The following CWH43 variants were observed in gnomAD, a reference collection of about 807,000 sequenced individuals.
The protein encoded by CWH43 is cell wall biogenesis 43 C-terminal homolog.
In CWH43, 91 loss-of-function variants were observed where a neutral mutation model predicts 85.7. The ratio of observed to expected loss-of-function variants is 1.06; its 90% CI spans 0.90 to 1.26. CWH43 has a LOEUF of 1.26. Ranked by LOEUF, CWH43 falls within the 50% of genes most tolerant of loss-of-function variation. The pLI is 0.00. For missense variants in CWH43, 869 were observed against 839.2 expected (o/e 1.04, Z -0.44); for synonymous variants, 323 against 293.6 (o/e 1.10, Z -1.02).
At chr4:49,022,120 CT>C (rs1412834142) in intron 9 of CWH43, among the ~76,000 whole-genome samples, 2 of 152,120 alleles carry the variant, frequency 1.3e-5, no homozygotes, top group African/African-American at 2.4e-5. Flanking sequence ...GCATCCTTGT[CT>C]TGTTCCAGGT....
Position 49,017,278 on chromosome 4 carries a change from T to G in CWH43, c.1216T>G (p.Leu406Val). 1 of 1,612,268 alleles carries G rather than the reference T, an allele frequency of 6.2e-7. No individual in the cohort carries two copies. ...FLWLLVGVGL[L>V]GLGLRHKAYE... is the part of the protein sequence containing the mutation. ...GTGGCTGCTTGTTGGTGTGGGATTG[T>G]TGGGATTAGGACTACGGCATAAAGC... Residue 406 changes from leucine (L) to valine (V), a missense_variant, in exon 9 of 16, where the codon TTG becomes GTG. Coordinates refer to ENST00000226432, the MANE Select transcript of CWH43 (RefSeq NM_025087.3).
chr4:49,010,903 G>T (rs574014462), intron 8 of CWH43, among the ~76,000 whole-genome samples: 1 of 152,184 alleles, frequency 6.6e-6, no homozygotes, highest in East Asian at 1.9e-4. Flanking sequence ...CATTTATGTG[G>T]TCAATTTTGG....
chr4:48,998,356 A>G lies in CWH43; in HGVS notation c.714-104A>G, dbSNP rs183149818. On this transcript the variant is annotated intron_variant, in intron 5 of 15. Transcript: ENST00000226432. ...TCTCACTGGTTGTTTCACACACGTT[A>G]TCTCTTATATGTACCCAGAGGTGGG... The G allele has an allele frequency of 3.0e-5, 25 of 839,888 alleles. 1 individual carries two copies. The African/African-American group carries it at 3.0e-4, about 10-fold the overall frequency. The allele number at this position is 839,888 out of a possible 1,614,324, so 52.0% of individuals were successfully genotyped here.
At chr4:48,990,911 A>T (rs1475939034) in intron 2 of CWH43, among the ~76,000 whole-genome samples, 2 of 152,222 alleles carry the variant, frequency 1.3e-5, no homozygotes, top group Non-Finnish European at 2.9e-5. Flanking sequence ...GATAAACAAA[A>T]TGTGGTATAT....
At chr4:49,037,969 G>T (rs927527559) in intron 12 of CWH43, 67 bp from the exon 13 acceptor site, 14 of 1,427,968 alleles carry the variant, frequency 9.8e-6, no homozygotes, top group Admixed American at 2.2e-5. Context: ...TGGCAACTTA[G>T]GTACCTAAGG....
intron 14 of CWH43, among the ~76,000 whole-genome samples, chr4:49,047,775 C>A (rs757948695): frequency 7.9e-5 from 12 of 152,070 alleles, no homozygotes; most frequent in Non-Finnish European, 1.8e-4. Context: ...GGATCCTTAG[C>A]AAGCACTTTG....
intron 5 of CWH43, among the ~76,000 whole-genome samples, chr4:48,997,797 T>C (rs1782859919): frequency 6.6e-6 from 1 of 152,204 alleles, no homozygotes; most frequent in African/African-American, 2.4e-5. Context: ...GAATAATAAT[T>C]ACAGGGGAAA....
intron 13 of CWH43, among the ~76,000 whole-genome samples, chr4:49,043,560 G>C (rs1784532863): frequency 6.6e-6 from 1 of 152,186 alleles, no homozygotes. Context: ...TATTAATGTG[G>C]AGAAGAGTTT....
chr4:48,993,491 C>T (rs1417890378), intron 4 of CWH43, among the ~76,000 whole-genome samples: 1 of 152,162 alleles, frequency 6.6e-6, no homozygotes, highest in African/African-American at 2.4e-5. Context: ...CTGTCAGACC[C>T]TAAGACCTTC....
intron 15 of CWH43, among the ~76,000 whole-genome samples, chr4:49,061,592 T>A (rs1785160335): frequency 6.6e-6 from 1 of 152,198 alleles, no homozygotes; most frequent in Non-Finnish European, 1.5e-5. Flanking sequence ...TCAGCAATGC[T>A]AGCCAATAAT....
intron 1 of CWH43, 131 bp from the exon 2 acceptor site, chr4:48,988,346 T>G: frequency 1.6e-6 from 1 of 611,346 alleles, no homozygotes. Flanking sequence ...TGGAGACAAC[T>G]GGAACCCAGT....
At chr4:49,009,401 T>A (rs1486763155) in intron 8 of CWH43, among the ~76,000 whole-genome samples, 1 of 152,208 alleles carries the variant, frequency 6.6e-6, no homozygotes, top group Non-Finnish European at 1.5e-5. Context: ...TTTCTAAATA[T>A]ACAGTCATGT....
intron 9 of CWH43, among the ~76,000 whole-genome samples, chr4:49,018,865 A>AT (rs760428648): frequency 1.3e-5 from 2 of 152,212 alleles, no homozygotes; most frequent in Non-Finnish European, 2.9e-5. Flanking sequence ...CTTGCCAGGT[A>AT]TTCAGAACTA....
chr4:48,989,129 A>C (rs1342391274), intron 2 of CWH43, among the ~76,000 whole-genome samples: 1 of 152,266 alleles, frequency 6.6e-6, no homozygotes, highest in Non-Finnish European at 1.5e-5. Context: ...TTATATATAG[A>C]GTTCCTACAA....
chr4:49,010,437 C>G (rs1029322899), intron 8 of CWH43, among the ~76,000 whole-genome samples: 2 of 152,108 alleles, frequency 1.3e-5, no homozygotes, highest in African/African-American at 4.8e-5. Context: ...CTCCTGGATT[C>G]ATTGATTTTT....
At chr4:49,024,866 T>G (rs1285504058) in intron 9 of CWH43, among the ~76,000 whole-genome samples, 1 of 152,164 alleles carries the variant, frequency 6.6e-6, no homozygotes, top group South Asian at 2.1e-4. Context: ...TCCCAAGTGT[T>G]TTTTGAGCTT....
At position 48,992,238 on chromosome 4, in the gene CWH43, G is replaced by T; in HGVS notation, c.511+148G>T. ...TTCTTCCTCTGAAATAATAATTGGTGCAGCCAGTGGGCTATTTGCTAAGCA... is the reference window on the plus strand; with the variant it reads ...TTCTTCCTCTGAAATAATAATTGGTTCAGCCAGTGGGCTATTTGCTAAGCA... On this transcript the variant is annotated intron_variant, in intron 4 of 15. Coordinates refer to ENST00000226432, the MANE Select transcript of CWH43 (RefSeq NM_025087.3). The surrounding 1 kb of genome is among the most constrained non-coding windows in gnomAD (Gnocchi z 4.3). 2 of 713,018 alleles carry T rather than the reference G, an allele frequency of 2.8e-6. No homozygotes were observed. Among genetic ancestry groups the T allele is most frequent in the Non-Finnish European group, 2.3e-6 (1 of 442,748 alleles). The allele number at this position is 713,018 out of a possible 1,614,324, so 44.2% of individuals were successfully genotyped here.
chr4:49,016,729 C>A, intron 8 of CWH43: 3 of 776,630 alleles, frequency 3.9e-6, no homozygotes, highest in Non-Finnish European at 7.2e-6. Context: ...TGCTCGAAAA[C>A]AACCTTCTCA....
At chr4:49,038,234 T>C in intron 13 of CWH43, 54 bp downstream of exon 13, 5 of 1,440,392 alleles carry the variant, frequency 3.5e-6, no homozygotes, top group Non-Finnish European at 3.7e-6. Context: ...TTTCTTTTTC[T>C]TTCATGTTTT....
Sources: gnomAD v4.1 joint callset for allele counts (sites outside exome capture counted in the v4.1 genomes callset) on GRCh38, gnomAD v4.1.1 for gene constraint, Gnocchi (gnomAD v3.1) non-coding constraint, MANE v1.5 for transcripts, NCBI Gene and HGNC (gene_info 2026-07-23, HGNC 2026-07-21) for gene names.